The following ADGRL2 variants were observed in gnomAD, a reference collection of about 807,000 sequenced individuals.
The protein encoded by ADGRL2 is calcium-independent alpha-latrotoxin receptor 2.
In ADGRL2, 44 loss-of-function variants were observed where a neutral mutation model predicts 157.4. The ratio of observed to expected loss-of-function variants is 0.28; its 90% CI spans 0.22 to 0.36. The LOEUF is 0.36. Ranked by LOEUF, ADGRL2 falls within the 10% of genes least tolerant of loss-of-function variation. The probability of loss-of-function intolerance (pLI) is 1.00; values close to 1 mark genes in which losing one functional copy is unlikely to be tolerated. For synonymous variants in ADGRL2, 585 were observed against 624.7 expected (o/e 0.94, Z 0.95); for missense variants, 1,510 against 1,768.9 (o/e 0.85, Z 2.63).
chr1:81,721,950 T>A, intron 1 of ADGRL2: 2 of 635,922 alleles, frequency 3.1e-6, no homozygotes, highest in South Asian at 2.8e-5. Flanking sequence ...TGATAATGAA[T>A]GGGTGATTGA....
At chr1:81,737,094 A>G (rs894256348) in intron 1 of ADGRL2, among the ~76,000 whole-genome samples, 4 of 151,880 alleles carry the variant, frequency 2.6e-5, no homozygotes, top group Non-Finnish European at 5.9e-5. Flanking sequence ...TCGGCCTCCC[A>G]AAGTGCAGGG....
At position 81,927,318 on chromosome 1, in the gene ADGRL2, C is replaced by T. The variant is rs142264266; in HGVS notation, c.288-9410C>T. ...TCAGTCAAATGGATTTATGTTTACACATTGAAAGTACAGAAAAACATTTTG... is the reference window on the plus strand; with the variant it reads ...TCAGTCAAATGGATTTATGTTTACATATTGAAAGTACAGAAAAACATTTTG... On this transcript the variant is annotated intron_variant, in intron 3 of 23. Coordinates refer to ENST00000686636, the MANE Select transcript of ADGRL2 (RefSeq NM_001366006.2). Among the ~76,000 whole-genome samples the T allele has an allele frequency of 6.0e-3, 918 of 151,986 alleles. 7 individuals carry two copies. The highest frequency in any genetic ancestry group is 0.021 in the African/African-American group (871 of 41,500).
chr1:81,532,370 T>C (rs1557434219), intron 2 of ADGRL2, among the ~76,000 whole-genome samples: 8 of 152,206 alleles, frequency 5.3e-5, no homozygotes, highest in African/African-American at 7.2e-5. Flanking sequence ...GAAATAATGA[T>C]TTGCAAGAGT....
chr1:81,441,480 A>C (rs1045055748), intron 1 of ADGRL2, among the ~76,000 whole-genome samples: 7 of 152,188 alleles, frequency 4.6e-5, no homozygotes, highest in African/African-American at 9.7e-5. Context: ...TGAAACCTCT[A>C]GCCCAAACTG....
At chr1:81,861,618 G>A (rs753187845) in intron 2 of ADGRL2, among the ~76,000 whole-genome samples, 13 of 152,208 alleles carry the variant, frequency 8.5e-5, no homozygotes, top group Non-Finnish European at 1.5e-4. Context: ...GCCATGCACA[G>A]TGGCTCATGC....
In ADGRL2 at chr1:81,479,324, A is replaced by AG. The variant is rs1157428103; in HGVS notation, c.-248+34235_-248+34236insG. Among the ~76,000 whole-genome samples, 3 of 151,238 alleles carry AG rather than the reference A, an allele frequency of 2.0e-5. No individual in the cohort carries two copies. In the East Asian group the frequency reaches 5.8e-4, roughly 29 times the overall value. On this transcript the variant is annotated intron_variant, in intron 2 of 24. Transcript: ENST00000370721. ...CCTGTCTCTACTAAAAATACAAAAA[A>AG]AAAAAAAAATTAGCTGGGTGTGGTG...
intron 17 of ADGRL2, among the ~76,000 whole-genome samples, chr1:81,975,291 T>C (rs149907464): frequency 0.012 from 1,787 of 152,196 alleles, 17 homozygotes; most frequent in Non-Finnish European, 0.02. Context: ...TTTAGACAAA[T>C]GTTTGTGTGC....
intron 2 of ADGRL2, among the ~76,000 whole-genome samples, chr1:81,579,900 G>A (rs1010656010): frequency 2.0e-5 from 3 of 151,682 alleles, no homozygotes; most frequent in African/African-American, 7.3e-5. Context: ...TATAAATACT[G>A]TACGTAAAAT....
intron 3 of ADGRL2, among the ~76,000 whole-genome samples, chr1:81,616,646 G>GTT (rs370929751): frequency 2.7e-5 from 3 of 111,146 alleles, no homozygotes; most frequent in South Asian, 3.1e-4. Context: ...AGTTTTTTGG[G>GTT]TTTTTTTTTT....
chr1:81,759,903 A>G (rs762249002), intron 1 of ADGRL2, among the ~76,000 whole-genome samples: 79 of 152,146 alleles, frequency 5.2e-4, no homozygotes, highest in Non-Finnish European at 8.2e-4. Context: ...CTTGTTGATG[A>G]GAATTGACAT....
intron 3 of ADGRL2, among the ~76,000 whole-genome samples, chr1:81,671,017 T>C (rs773803617): frequency 6.6e-5 from 10 of 152,174 alleles, no homozygotes; most frequent in Non-Finnish European, 1.2e-4. Flanking sequence ...GCCTCACAGA[T>C]TGATTTTTAA....
At chr1:81,525,288 G>A (rs1038669939) in intron 2 of ADGRL2, among the ~76,000 whole-genome samples, 1 of 151,538 alleles carries the variant, frequency 6.6e-6, no homozygotes, top group African/African-American at 2.4e-5. Context: ...TTCCACACGT[G>A]TAGTAAAAAT....
intron 1 of ADGRL2, among the ~76,000 whole-genome samples, chr1:81,700,393 C>T (rs965094109): frequency 7.2e-5 from 11 of 152,268 alleles, no homozygotes; most frequent in Middle Eastern, 3.4e-3. Flanking sequence ...AAGTCTTAAT[C>T]GAATCTAGCA....
chr1:81,349,237 G>A (rs1366079376), intron 1 of ADGRL2, among the ~76,000 whole-genome samples: 2 of 152,114 alleles, frequency 1.3e-5, no homozygotes, highest in Non-Finnish European at 2.9e-5. Flanking sequence ...TCACTCTACA[G>A]CACTAAAGAG....
At chr1:81,444,600 C>T (rs531953083) in intron 1 of ADGRL2, among the ~76,000 whole-genome samples, 5 of 152,230 alleles carry the variant, frequency 3.3e-5, no homozygotes, top group African/African-American at 7.2e-5. Context: ...AACAGGGTTC[C>T]GAAGAATGGT....
intron 1 of ADGRL2, among the ~76,000 whole-genome samples, chr1:81,410,838 T>C (rs1045525965): frequency 6.6e-5 from 10 of 152,224 alleles, no homozygotes; most frequent in African/African-American, 2.4e-4. Context: ...TGCTATAAAT[T>C]ATGAGTTTTT....
intron 2 of ADGRL2, among the ~76,000 whole-genome samples, chr1:81,537,313 C>T (rs774461754): frequency 2.0e-5 from 3 of 152,152 alleles, no homozygotes; most frequent in South Asian, 2.1e-4. Context: ...GATGGAATTT[C>T]GCTCTTGTTG....
intron 1 of ADGRL2, among the ~76,000 whole-genome samples, chr1:81,343,008 G>A (rs1482401629): frequency 6.6e-6 from 1 of 151,128 alleles, no homozygotes; most frequent in Non-Finnish European, 1.5e-5. Context: ...TAATGTATAC[G>A]TAAAGAATAT....
At chr1:81,448,294 C>T (rs11163297) in intron 2 of ADGRL2, among the ~76,000 whole-genome samples, 71,521 of 150,990 alleles carry the variant, frequency 0.47, 18,950 homozygotes, top group Non-Finnish European at 0.59. Flanking sequence ...TACAGGTATA[C>T]GCCACCACAC....
Sources: gnomAD v4.1 joint callset for allele counts (sites outside exome capture counted in the v4.1 genomes callset) on GRCh38, gnomAD v4.1.1 for gene constraint, MANE v1.5 for transcripts, NCBI Gene and HGNC (gene_info 2026-07-23, HGNC 2026-07-21) for gene names.